The following KIF13B variants were observed in gnomAD, a reference collection of about 807,000 sequenced individuals.
KIF13B encodes the protein kinesin-like protein KIF13B.
A neutral mutation model predicts 222.0 loss-of-function variants in KIF13B; 127 were observed. The observed-to-expected ratio is 0.57, with a 90% confidence interval of 0.50 to 0.66. The LOEUF (loss-of-function observed/expected upper bound fraction) is 0.66. Among genes scored for constraint, KIF13B ranks in the 30% least tolerant of loss-of-function variants. KIF13B has a pLI of 0.00. For missense variants in KIF13B, 2,173 were observed against 2,379.0 expected, an observed-to-expected ratio of 0.91 and a Z score of 1.80; for synonymous variants, 976 against 919.0, an observed-to-expected ratio of 1.06 and a Z score of -1.12.
In KIF13B at chr8:29,085,705, CTTTTTTTTTTTTT is replaced by C. The variant is rs71222589; in HGVS notation, c.4458+7027_4458+7039del. ...GTTTTTAAGTAACAGAAATACTCTT[CTTTTTTTTTTTTT>C]TTTTTTTTTTTTTTTTTAAAGGGAG... On this transcript the variant is annotated intron_variant, in intron 37 of 39. Coordinates refer to ENST00000524189, the MANE Select transcript of KIF13B (RefSeq NM_015254.4). Among the ~76,000 whole-genome samples, 378 of 48,774 alleles carry C rather than the reference CTTTTTTTTTTTTT, an allele frequency of 7.8e-3. 4 individuals carry two copies. Among genetic ancestry groups the C allele is most frequent in the African/African-American group, 0.025 (326 of 13,086 alleles). The allele number at this position is 48,774 out of a possible 152,430, so 32.0% of individuals were successfully genotyped here. A position where few individuals can be genotyped will look rare whatever the true frequency, so the allele number is the denominator to read the frequency against.
chr8:29,173,764 C>T (rs1247129583), intron 10 of KIF13B, among the ~76,000 whole-genome samples: 4 of 151,778 alleles, frequency 2.6e-5, no homozygotes, highest in Non-Finnish European at 5.9e-5. Flanking sequence ...GTCAACATGG[C>T]AAAACCCTGT....
At chr8:29,248,605 T>C (rs1816144486) in intron 1 of KIF13B, among the ~76,000 whole-genome samples, 1 of 152,102 alleles carries the variant, frequency 6.6e-6, no homozygotes, top group Admixed American at 6.6e-5. Flanking sequence ...GAGAACAGTA[T>C]GGAAGAAACT....
intron 24 of KIF13B, among the ~76,000 whole-genome samples, chr8:29,129,354 C>T (rs915291952): frequency 3.3e-5 from 5 of 152,158 alleles, no homozygotes; most frequent in African/African-American, 1.2e-4. Flanking sequence ...TCTTCACACC[C>T]TTAAGAATTC....
At chr8:29,119,437 T>C (rs1328722737) in intron 29 of KIF13B, among the ~76,000 whole-genome samples, 1 of 152,178 alleles carries the variant, frequency 6.6e-6, no homozygotes, top group African/African-American at 2.4e-5. Flanking sequence ...CATGGCCCCC[T>C]GGTTCCTCAG....
At chr8:29,245,560 G>T in intron 1 of KIF13B, 121 bp from the exon 2 acceptor site, 3 of 680,664 alleles carry the variant, frequency 4.4e-6, no homozygotes, top group Non-Finnish European at 2.4e-6. Flanking sequence ...AATGAAGTAG[G>T]AATAAAAAAA....
intron 6 of KIF13B, among the ~76,000 whole-genome samples, chr8:29,185,160 G>A (rs1226231051): frequency 6.6e-6 from 1 of 151,890 alleles, no homozygotes; most frequent in Non-Finnish European, 1.5e-5. Context: ...TTCTCCAAAG[G>A]TGATTAATTT....
chr8:29,119,129 T>A, intron 29 of KIF13B, 137 bp from the exon 30 acceptor site: 1 of 864,018 alleles, frequency 1.2e-6, no homozygotes, highest in Non-Finnish European at 1.8e-6. Context: ...TACATGACAC[T>A]GAAGATGACC....
At chr8:29,192,764 T>C (rs1251823705) in intron 3 of KIF13B, among the ~76,000 whole-genome samples, 1 of 151,982 alleles carries the variant, frequency 6.6e-6, no homozygotes, top group Non-Finnish European at 1.5e-5. Context: ...CAGCTAAAAT[T>C]AACTCAAAAC....
chr8:29,203,472 T>G (rs564588310), intron 2 of KIF13B, among the ~76,000 whole-genome samples: 1 of 152,212 alleles, frequency 6.6e-6, no homozygotes, highest in African/African-American at 2.4e-5. Flanking sequence ...AGAAGTATTA[T>G]GGGGAAAATA....
intron 30 of KIF13B, among the ~76,000 whole-genome samples, chr8:29,118,626 C>T (rs965798276): frequency 2.0e-5 from 3 of 152,190 alleles, no homozygotes; most frequent in Non-Finnish European, 2.9e-5. Context: ...AGCTCCTGAC[C>T]GCTGCTGATC....
intron 1 of KIF13B, among the ~76,000 whole-genome samples, chr8:29,253,659 A>C (rs968390161): frequency 6.6e-6 from 1 of 151,834 alleles, no homozygotes; most frequent in Non-Finnish European, 1.5e-5. Context: ...GTGAAACCCT[A>C]TCTCTACCAA....
chr8:29,181,785 G>T, intron 7 of KIF13B, 134 bp downstream of exon 7: 2 of 506,614 alleles, frequency 3.9e-6, no homozygotes, highest in Non-Finnish European at 6.9e-6. Context: ...TCATTTTTAG[G>T]ATTTTTGTAA....
chr8:29,073,152 C>A (rs374763326), intron 38 of KIF13B, among the ~76,000 whole-genome samples: 1 of 30,352 alleles, frequency 3.3e-5, no homozygotes, highest in African/African-American at 1.5e-4. Context: ...AGGAGGGGGA[C>A]GAGGAGGGGG....
intron 1 of KIF13B, among the ~76,000 whole-genome samples, chr8:29,259,713 G>A (rs912548694): frequency 5.9e-5 from 9 of 152,204 alleles, no homozygotes; most frequent in Admixed American, 1.3e-4. Flanking sequence ...ATGATTAGAC[G>A]GGTTAATAAT....
At position 29,070,698 on chromosome 8, in the gene KIF13B, T is replaced by G. The variant is rs1389427562; in HGVS notation, c.5287A>C (p.Arg1763=). ...RCNPGYGLLV[R]PSRVRRATGP... ...GTGGCCCTGCGGACCCGGCTGGGCC[T>G]GACCAGCAGCCCGTAGCCAGGGTTA... The change falls in exon 40 of 40, where the codon AGG becomes CGG. Residue 1763 remains arginine, a synonymous_variant. Transcript: ENST00000524189. This position sits in a 1 kb window ranked among gnomAD's most constrained non-coding sequence, Gnocchi z 4.1. 1 of 1,561,558 alleles carries G rather than the reference T, an allele frequency of 6.4e-7. No homozygotes were observed. The highest frequency in any genetic ancestry group is 1.9e-5 in the Admixed American group (1 of 52,398).
intron 37 of KIF13B, among the ~76,000 whole-genome samples, chr8:29,089,765 G>A (rs1483244067): frequency 1.3e-5 from 2 of 151,896 alleles, no homozygotes; most frequent in Middle Eastern, 3.4e-3. Context: ...GTGGTGGCAG[G>A]TGCCTGTAAT....
intron 2 of KIF13B, among the ~76,000 whole-genome samples, chr8:29,221,082 G>T (rs1814722245): frequency 6.9e-6 from 1 of 145,582 alleles, no homozygotes; most frequent in African/African-American, 2.5e-5. Flanking sequence ...AGCTGAGGCT[G>T]CAGTGAGCTG....
At chr8:29,147,218 G>C (rs1481607548) in intron 17 of KIF13B, among the ~76,000 whole-genome samples, 174 bp downstream of exon 17, 1 of 152,068 alleles carries the variant, frequency 6.6e-6, no homozygotes, top group African/African-American at 2.4e-5. Flanking sequence ...AATATAAATG[G>C]GCAATTCCCC....
chr8:29,229,828 T>C (rs1044185344), intron 2 of KIF13B, among the ~76,000 whole-genome samples: 1 of 152,368 alleles, frequency 6.6e-6, no homozygotes, highest in East Asian at 1.9e-4. Context: ...GCTATGATTA[T>C]TGTCAATTAA....
Sources: gnomAD v4.1 joint callset for allele counts (sites outside exome capture counted in the v4.1 genomes callset) on GRCh38, gnomAD v4.1.1 for gene constraint, Gnocchi (gnomAD v3.1) non-coding constraint, MANE v1.5 for transcripts, NCBI Gene and HGNC (gene_info 2026-07-23, HGNC 2026-07-21) for gene names.